SLC17A5: variants seen among roughly 807,000 people sequenced by gnomAD.
SLC17A5 encodes solute carrier family 17 member 5.
A neutral mutation model predicts 59.4 loss-of-function variants in SLC17A5; 47 were observed. That is an observed-to-expected ratio of 0.79 (90% confidence interval 0.63 to 1.01). The LOEUF (loss-of-function observed/expected upper bound fraction) is 1.01. Ranked by LOEUF, SLC17A5 falls within the 50% of genes least tolerant of loss-of-function variation. The probability of loss-of-function intolerance (pLI) is 0.00; values close to 1 mark genes in which losing one functional copy is unlikely to be tolerated. For missense variants in SLC17A5, 522 were observed against 595.5 expected, an observed-to-expected ratio of 0.88 and a Z score of 1.28; for synonymous variants, 202 against 210.7, an observed-to-expected ratio of 0.96 and a Z score of 0.36.
chr6:73,630,714 A>C (rs769616465), intron 6 of SLC17A5, among the ~76,000 whole-genome samples: 2 of 152,070 alleles, frequency 1.3e-5, no homozygotes, highest in Non-Finnish European at 2.9e-5. Flanking sequence ...CTCTCTCTCT[A>C]GAAGATATCA....
chr6:73,632,434 CTTTTTTTTTTTTTT>C (rs1163170650), intron 6 of SLC17A5, among the ~76,000 whole-genome samples: 2 of 86,766 alleles, frequency 2.3e-5, no homozygotes, highest in African/African-American at 8.2e-5. Context: ...GTAGAGAAAG[CTTTTTTTTTTTTTT>C]TTTTTTTTTT....
chr6:73,606,150 C>G (rs1283690420), intron 9 of SLC17A5, among the ~76,000 whole-genome samples: 1 of 151,994 alleles, frequency 6.6e-6, no homozygotes, highest in Non-Finnish European at 1.5e-5. Flanking sequence ...TCAAGCAATT[C>G]TCATGCCTCA....
At chr6:73,627,776 C>T (rs919670093) in intron 6 of SLC17A5, among the ~76,000 whole-genome samples, 4 of 151,778 alleles carry the variant, frequency 2.6e-5, no homozygotes, top group South Asian at 2.1e-4. Flanking sequence ...TTATAGGCAC[C>T]TGCTACCACA....
chr6:73,645,232 CA>C, intron 1 of SLC17A5: 80 of 667,950 alleles, frequency 1.2e-4, no homozygotes, highest in Middle Eastern at 1.5e-3. Context: ...TGTAGCATAG[CA>C]AAAAAAATTT....
chr6:73,634,371 A>G (rs1231507914), intron 6 of SLC17A5, among the ~76,000 whole-genome samples: 1 of 152,180 alleles, frequency 6.6e-6, no homozygotes, highest in African/African-American at 2.4e-5. Context: ...GAATATTTGT[A>G]TCACGTACCT....
chr6:73,615,530 C>T, intron 7 of SLC17A5, 83 bp from the exon 8 acceptor site: 1 of 1,371,180 alleles, frequency 7.3e-7, no homozygotes, highest in Non-Finnish European at 1.0e-6. Context: ...CAATGACCAC[C>T]ACTTGAAAGC....
At chr6:73,642,210 A>G (rs1319884722) in intron 2 of SLC17A5, among the ~76,000 whole-genome samples, 1 of 152,230 alleles carries the variant, frequency 6.6e-6, no homozygotes, top group Non-Finnish European at 1.5e-5. Context: ...TATGACCAAG[A>G]AGGCTCACAA....
At chr6:73,631,909 A>T (rs990770018) in intron 6 of SLC17A5, among the ~76,000 whole-genome samples, 1 of 151,378 alleles carries the variant, frequency 6.6e-6, no homozygotes, top group Non-Finnish European at 1.5e-5. Context: ...TAAAGAATGA[A>T]TGAGTAGATG....
intron 1 of SLC17A5, chr6:73,645,659 G>A (rs1161536723): frequency 5.1e-6 from 1 of 197,144 alleles, no homozygotes; most frequent in South Asian, 1.7e-4. Flanking sequence ...GTGGTCGCGG[G>A]CGCCTGTAGT....
intron 1 of SLC17A5, among the ~76,000 whole-genome samples, chr6:73,646,396 T>C (rs1477522931): frequency 6.6e-6 from 1 of 152,222 alleles, no homozygotes. Context: ...GCTATTATTT[T>C]TTTTTCCCTG....
At chr6:73,619,005 G>A (rs1768009233) in intron 7 of SLC17A5, among the ~76,000 whole-genome samples, 1 of 152,134 alleles carries the variant, frequency 6.6e-6, no homozygotes, top group South Asian at 2.1e-4. Context: ...AGGTGCGTGA[G>A]CCACTGCGCC....
chr6:73,647,147 A>G (rs1380956279), intron 1 of SLC17A5, among the ~76,000 whole-genome samples: 1 of 152,242 alleles, frequency 6.6e-6, no homozygotes, highest in Non-Finnish European at 1.5e-5. Flanking sequence ...GCAGCATTTA[A>G]AAAGATCATT....
intron 9 of SLC17A5, among the ~76,000 whole-genome samples, chr6:73,608,779 G>C (rs1205457366): frequency 6.6e-6 from 1 of 152,192 alleles, no homozygotes. Context: ...ACTTCGGGGG[G>C]CTGAGGCGGG....
intron 10 of SLC17A5, among the ~76,000 whole-genome samples, chr6:73,599,829 T>C (rs1180704074): frequency 6.6e-6 from 1 of 152,050 alleles, no homozygotes; most frequent in Non-Finnish European, 1.5e-5. Context: ...AGACGGAGTC[T>C]TGCTCTGTTG....
At chr6:73,627,240 C>T (rs1405306155) in intron 6 of SLC17A5, among the ~76,000 whole-genome samples, 1 of 152,060 alleles carries the variant, frequency 6.6e-6, no homozygotes, top group Non-Finnish European at 1.5e-5. Context: ...CTATGCCTGG[C>T]TAATTTTTGT....
intron 9 of SLC17A5, among the ~76,000 whole-genome samples, chr6:73,602,774 CAAAAAA>C (rs71000136): frequency 9.9e-6 from 1 of 100,812 alleles, no homozygotes; most frequent in African/African-American, 3.5e-5. Flanking sequence ...GACTCCGTCT[CAAAAAA>C]AAAAAAAAAA....
chr6:73,649,495 C>G (rs1310203081), intron 1 of SLC17A5, among the ~76,000 whole-genome samples: 1 of 152,070 alleles, frequency 6.6e-6, no homozygotes, highest in Non-Finnish European at 1.5e-5. Context: ...ATCCCAGCTA[C>G]CTGGGAGGCT....
At chr6:73,620,780 G>C (rs1342943379) in intron 7 of SLC17A5, among the ~76,000 whole-genome samples, 5 of 151,842 alleles carry the variant, frequency 3.3e-5, no homozygotes, top group Non-Finnish European at 7.4e-5. Context: ...GGAGTGCAGG[G>C]GCATGACCTC....
At chr6:73,597,800 C>T (rs1027607225) in intron 10 of SLC17A5, among the ~76,000 whole-genome samples, 1 of 151,724 alleles carries the variant, frequency 6.6e-6, no homozygotes, top group East Asian at 1.9e-4. Context: ...AAGAAACAAA[C>T]AAACAAACAA....
Sources: allele counts gnomAD v4.1 joint callset (sites outside exome capture counted in the v4.1 genomes callset), GRCh38; gene constraint gnomAD v4.1.1; transcripts MANE v1.5; gene names NCBI Gene and HGNC (gene_info 2026-07-23, HGNC 2026-07-21).